The following BRINP3 variants were observed in gnomAD, a reference collection of about 807,000 sequenced individuals.
BRINP3 encodes the protein BMP/retinoic acid-inducible neural-specific protein 3.
A neutral mutation model predicts 71.0 loss-of-function variants in BRINP3; 19 were observed. The ratio of observed to expected loss-of-function variants is 0.27; its 90% CI spans 0.19 to 0.39. The LOEUF is 0.39. BRINP3 is among the 10% of genes least tolerant of loss of function. The probability of loss-of-function intolerance (pLI) is 1.00; values close to 1 mark genes in which losing one functional copy is unlikely to be tolerated. For missense variants in BRINP3, 959 were observed against 940.8 expected, an observed-to-expected ratio of 1.02 and a Z score of -0.25; for synonymous variants, 380 against 337.7, an observed-to-expected ratio of 1.13 and a Z score of -1.37.
chr1:190,426,545 A>G (rs1338677103), intron 2 of BRINP3, among the ~76,000 whole-genome samples: 5 of 145,144 alleles, frequency 3.4e-5, no homozygotes, highest in Non-Finnish European at 7.6e-5. Context: ...TTGGCACTCA[A>G]ACAAACATTT....
At chr1:190,415,132 C>T (rs1486543682) in intron 2 of BRINP3, among the ~76,000 whole-genome samples, 1 of 152,142 alleles carries the variant, frequency 6.6e-6, no homozygotes, top group African/African-American at 2.4e-5. Context: ...CCCTGCCTCC[C>T]AACATCTATA....
intron 4 of BRINP3, among the ~76,000 whole-genome samples, chr1:190,237,121 T>C (rs1348692235): frequency 6.6e-6 from 1 of 151,888 alleles, no homozygotes; most frequent in Non-Finnish European, 1.5e-5. Context: ...TATTTGAATA[T>C]CTCTGTCCTT....
intron 2 of BRINP3, among the ~76,000 whole-genome samples, chr1:190,288,562 T>C (rs928883086): frequency 4.6e-5 from 7 of 152,018 alleles, no homozygotes; most frequent in Admixed American, 4.6e-4. Context: ...CTCGGTGATA[T>C]AAACACACCT....
Position 190,098,840 on chromosome 1 carries a change from T to G in BRINP3, c.1479A>C (p.Gln493His), listed in dbSNP as rs1651429878. The G allele has an allele frequency of 6.2e-7, 1 of 1,614,230 alleles. No homozygotes were observed. The highest frequency in any genetic ancestry group is 1.3e-5 in the African/African-American group (1 of 75,072). ...GCAGCAGATATTTCATCTCGAGATCTTGCAGGTCAGTTTCAAAGCCAATAT... is the reference window on the plus strand; with the variant it reads ...GCAGCAGATATTTCATCTCGAGATCGTGCAGGTCAGTTTCAAAGCCAATAT... ...DHYIGFETDL[Q>H]DLEMKYLLQK... Residue 493 changes from glutamine to histidine, a missense_variant, in exon 8 of 8, where the codon CAA (glutamine) becomes CAC (histidine). Coordinates refer to ENST00000367462, the MANE Select transcript of BRINP3 (RefSeq NM_199051.3).
intron 2 of BRINP3, among the ~76,000 whole-genome samples, chr1:190,383,292 T>G (rs1028558564): frequency 6.6e-5 from 10 of 152,108 alleles, no homozygotes; most frequent in African/African-American, 2.4e-4. Flanking sequence ...AAGTCATTAT[T>G]TGCCACCTTT....
intron 2 of BRINP3, among the ~76,000 whole-genome samples, chr1:190,383,013 G>A (rs546507057): frequency 1.6e-4 from 24 of 152,218 alleles, no homozygotes; most frequent in African/African-American, 5.8e-4. Context: ...ATTGATTTGT[G>A]TCTTCACAGT....
intron 1 of BRINP3, among the ~76,000 whole-genome samples, chr1:190,457,827 T>G (rs1053593599): frequency 1.3e-5 from 2 of 152,136 alleles, no homozygotes; most frequent in African/African-American, 4.8e-5. Context: ...AATTCTGTAA[T>G]TTTTCAATAG....
intron 7 of BRINP3, among the ~76,000 whole-genome samples, chr1:190,142,566 A>G (rs1397131970): frequency 6.6e-6 from 1 of 152,122 alleles, no homozygotes; most frequent in Non-Finnish European, 1.5e-5. Context: ...GGTATAGTTT[A>G]TCTTGGATAC....
chr1:190,173,310 G>A (rs1416758394), intron 6 of BRINP3, among the ~76,000 whole-genome samples: 2 of 152,112 alleles, frequency 1.3e-5, no homozygotes, highest in African/African-American at 4.8e-5. Context: ...TCTGTACGTG[G>A]GGGAAGGGAT....
At chr1:190,194,098 C>T (rs890826560) in intron 6 of BRINP3, among the ~76,000 whole-genome samples, 7 of 152,050 alleles carry the variant, frequency 4.6e-5, no homozygotes, top group African/African-American at 1.4e-4. Flanking sequence ...AGTGATTAAC[C>T]TGAATTATCC....
intron 6 of BRINP3, among the ~76,000 whole-genome samples, chr1:190,193,243 A>T (rs571108325): frequency 1.3e-5 from 2 of 152,236 alleles, no homozygotes; most frequent in East Asian, 1.9e-4. Flanking sequence ...TATTAAAAAA[A>T]AATAGTCATA....
chr1:190,344,439 C>T (rs951670821), intron 2 of BRINP3, among the ~76,000 whole-genome samples: 1 of 147,588 alleles, frequency 6.8e-6, no homozygotes, highest in African/African-American at 2.4e-5. Flanking sequence ...CCATCAACAA[C>T]AGTACCCTCT....
intron 2 of BRINP3, among the ~76,000 whole-genome samples, chr1:190,415,831 A>G (rs1296158677): frequency 2.0e-5 from 3 of 152,174 alleles, no homozygotes; most frequent in Non-Finnish European, 2.9e-5. Context: ...TGAGCTAAAG[A>G]GTTTGAGAAT....
chr1:190,099,297 T>TACACACAC (rs56359524), intron 7 of BRINP3, among the ~76,000 whole-genome samples, 163 bp from the exon 8 acceptor site: 232 of 149,436 alleles, frequency 1.6e-3, no homozygotes, highest in African/African-American at 5.3e-3. Flanking sequence ...GACTATATAA[T>TACACACAC]ACACACACAC....
chr1:190,342,548 T>A (rs1349482182), intron 2 of BRINP3: 1 of 148,616 alleles, frequency 6.7e-6, no homozygotes, highest in Non-Finnish European at 1.5e-5. Flanking sequence ...CACTTGCCCA[T>A]ATATATATAT....
chr1:190,212,087 G>A (rs1019434526), intron 6 of BRINP3, among the ~76,000 whole-genome samples: 2 of 152,034 alleles, frequency 1.3e-5, no homozygotes, highest in Non-Finnish European at 2.9e-5. Context: ...TGAGACTGTT[G>A]TTACAAAAAG....
chr1:190,387,918 A>G (rs1251090101), intron 2 of BRINP3, among the ~76,000 whole-genome samples: 3 of 151,882 alleles, frequency 2.0e-5, no homozygotes, highest in Admixed American at 6.6e-5. Context: ...AATAAATTTT[A>G]AAATTAATAA....
intron 7 of BRINP3, among the ~76,000 whole-genome samples, chr1:190,126,287 A>C (rs1241887506): frequency 1.3e-5 from 2 of 151,964 alleles, no homozygotes; most frequent in Admixed American, 1.3e-4. Flanking sequence ...GCTTTTCTAC[A>C]TAAATAATGG....
intron 1 of BRINP3, among the ~76,000 whole-genome samples, chr1:190,466,063 A>C (rs537819952): frequency 2.0e-5 from 3 of 151,702 alleles, no homozygotes; most frequent in African/African-American, 4.8e-5. Context: ...TTGTCATGTA[A>C]GTGTCAATTT....
Sources: gnomAD v4.1 joint callset for allele counts (sites outside exome capture counted in the v4.1 genomes callset) on GRCh38, gnomAD v4.1.1 for gene constraint, MANE v1.5 for transcripts, NCBI Gene and HGNC (gene_info 2026-07-23, HGNC 2026-07-21) for gene names.